AFG2A: variants seen among roughly 807,000 people sequenced by gnomAD.
AFG2A encodes AAA ATPase AFG2A, also known as ATPase family gene 2 protein homolog A.
chr4:123,176,714 T>C, the AFG2A span, among the ~76,000 whole-genome samples: 11 of 152,136 alleles, frequency 7.2e-5, no homozygotes, highest in African/African-American at 2.4e-4. Flanking sequence ...TTGAAAACTA[T>C]GATAATTCAT....
the AFG2A span, among the ~76,000 whole-genome samples, chr4:123,014,410 T>C: frequency 6.6e-6 from 1 of 152,304 alleles, no homozygotes; most frequent in South Asian, 2.1e-4. Context: ...TTTTTTCTTA[T>C]ACTTGTTCAT....
the AFG2A span, among the ~76,000 whole-genome samples, chr4:122,951,436 A>ACACACG: frequency 7.0e-6 from 1 of 143,806 alleles, no homozygotes; most frequent in African/African-American, 2.9e-5. Flanking sequence ...TCCAAAGTAC[A>ACACACG]CACACACACA....
the AFG2A span, among the ~76,000 whole-genome samples, chr4:123,138,692 A>G: frequency 2.0e-5 from 3 of 151,822 alleles, no homozygotes; most frequent in Non-Finnish European, 2.9e-5. Flanking sequence ...TAACATTTGG[A>G]AAAAAAATAA....
the AFG2A span, among the ~76,000 whole-genome samples, chr4:123,006,221 C>T: frequency 6.6e-6 from 1 of 151,782 alleles, no homozygotes; most frequent in Non-Finnish European, 1.5e-5. Flanking sequence ...TGGTTTTGCT[C>T]CACTGTCTTC....
the AFG2A span, among the ~76,000 whole-genome samples, chr4:123,028,945 T>A: frequency 6.6e-6 from 1 of 152,254 alleles, no homozygotes; most frequent in Non-Finnish European, 1.5e-5. Flanking sequence ...GTTGTACACT[T>A]ACTTTAGGAC....
the AFG2A span, among the ~76,000 whole-genome samples, chr4:123,090,043 G>A: frequency 1.3e-5 from 2 of 152,078 alleles, no homozygotes; most frequent in Admixed American, 1.3e-4. Context: ...TCAAGAAATC[G>A]GGATTGTGGT....
At chr4:122,975,865 GT>G in the AFG2A span, among the ~76,000 whole-genome samples, 1 of 152,126 alleles carries the variant, frequency 6.6e-6, no homozygotes, top group Non-Finnish European at 1.5e-5. Context: ...GATAAAGCAA[GT>G]GGGTATTTGT....
the AFG2A span, chr4:122,929,182 T>C: frequency 6.3e-7 from 1 of 1,596,748 alleles, no homozygotes; most frequent in African/African-American, 1.4e-5. Context: ...GCTGAGGAAA[T>C]GGATGTGGCA....
the AFG2A span, among the ~76,000 whole-genome samples, chr4:123,293,876 G>T: frequency 6.6e-6 from 1 of 152,170 alleles, no homozygotes; most frequent in African/African-American, 2.4e-5. Flanking sequence ...TTTGACCTCT[G>T]CCAGCTTCTT....
At chr4:123,028,506 CT>C in the AFG2A span, 5,540 of 662,814 alleles carry the variant, frequency 8.4e-3, no homozygotes, top group South Asian at 9.6e-3. Flanking sequence ...AGCAGTGATT[CT>C]TTTTTTTTTA....
chr4:123,312,129 C>T, the AFG2A span, among the ~76,000 whole-genome samples: 10 of 152,326 alleles, frequency 6.6e-5, no homozygotes, highest in Admixed American at 2.6e-4. Flanking sequence ...AGCAAGATCA[C>T]TGCACTGTGC....
At chr4:123,170,418 A>C in the AFG2A span, among the ~76,000 whole-genome samples, 1 of 152,222 alleles carries the variant, frequency 6.6e-6, no homozygotes, top group Admixed American at 6.5e-5. Flanking sequence ...GGAGATAAGT[A>C]TAACAGTTTA....
the AFG2A span, among the ~76,000 whole-genome samples, chr4:122,937,372 A>G: frequency 6.6e-6 from 1 of 151,886 alleles, no homozygotes; most frequent in African/African-American, 2.4e-5. Flanking sequence ...TTTTTTTTCT[A>G]GCAACAGGGT....
At chr4:123,082,232 A>C in the AFG2A span, among the ~76,000 whole-genome samples, 1 of 151,970 alleles carries the variant, frequency 6.6e-6, no homozygotes, top group Non-Finnish European at 1.5e-5. Flanking sequence ...GTTTTCTCTT[A>C]TGCTGTCTTC....
chr4:122,964,901 G>A, the AFG2A span, among the ~76,000 whole-genome samples: 1,694 of 152,280 alleles, frequency 0.011, 44 homozygotes, highest in African/African-American at 0.038. Flanking sequence ...GGTACAGCAA[G>A]TGATACTTAG....
chr4:123,186,573 A>G, the AFG2A span, among the ~76,000 whole-genome samples: 1 of 152,352 alleles, frequency 6.6e-6, no homozygotes, highest in Admixed American at 6.5e-5. Flanking sequence ...TAATAATCTT[A>G]TAAAAGGTAC....
chr4:123,187,697 A>C, the AFG2A span, among the ~76,000 whole-genome samples: 17 of 152,134 alleles, frequency 1.1e-4, 1 homozygote, highest in East Asian at 3.1e-3. Flanking sequence ...ATAATGCCAA[A>C]AATTTTGAAA....
At chr4:123,305,755 C>T in the AFG2A span, among the ~76,000 whole-genome samples, 3 of 152,210 alleles carry the variant, frequency 2.0e-5, no homozygotes, top group African/African-American at 2.4e-5. Context: ...TTTCACAATA[C>T]GCCTGTTTCT....
the AFG2A span, among the ~76,000 whole-genome samples, chr4:122,960,171 C>A: frequency 3.3e-5 from 5 of 152,198 alleles, no homozygotes; most frequent in Admixed American, 6.5e-5. Flanking sequence ...TCTAACACAT[C>A]CTGACATTTA....
Sources: allele counts gnomAD v4.1 joint callset (sites outside exome capture counted in the v4.1 genomes callset), GRCh38; gene constraint gnomAD v4.1.1; transcripts MANE v1.5; gene names NCBI Gene and HGNC (gene_info 2026-07-23, HGNC 2026-07-21).